SAMD4A: variants seen among roughly 807,000 people sequenced by gnomAD.
SAMD4A encodes the protein protein Smaug homolog 1.
In SAMD4A, 33 loss-of-function variants were observed where a neutral mutation model predicts 81.3. The ratio of observed to expected loss-of-function variants is 0.41; its 90% CI spans 0.31 to 0.54. The LOEUF (loss-of-function observed/expected upper bound fraction) is 0.54. Among genes scored for constraint, SAMD4A ranks in the 20% least tolerant of loss-of-function variants. SAMD4A has a pLI of 0.37. For missense variants in SAMD4A, 854 were observed against 951.1 expected, an observed-to-expected ratio of 0.90 and a Z score of 1.34; for synonymous variants, 389 against 382.1, an observed-to-expected ratio of 1.02 and a Z score of -0.21.
At chr14:54,618,699 C>T (rs992739041) in intron 2 of SAMD4A, among the ~76,000 whole-genome samples, 1 of 152,180 alleles carries the variant, frequency 6.6e-6, no homozygotes, top group Non-Finnish European at 1.5e-5. Context: ...GGTGTATTTC[C>T]TCAGGGCTGC....
At chr14:54,763,745 G>A (rs2038465196) in intron 7 of SAMD4A, among the ~76,000 whole-genome samples, 1 of 152,086 alleles carries the variant, frequency 6.6e-6, no homozygotes, top group African/African-American at 2.4e-5. Context: ...AGAAAGTCGG[G>A]GAATCGTCAC....
At chr14:54,656,913 T>A (rs977860653) in intron 2 of SAMD4A, among the ~76,000 whole-genome samples, 3 of 152,148 alleles carry the variant, frequency 2.0e-5, no homozygotes, top group African/African-American at 7.2e-5. Context: ...GCTTTTTATG[T>A]GATTTCTCAT....
chr14:54,685,616 T>C, intron 2 of SAMD4A: 1 of 435,076 alleles, frequency 2.3e-6, no homozygotes, highest in East Asian at 7.1e-5. Flanking sequence ...TCAGAAAAAC[T>C]GATCTTAGCC....
chr14:54,596,992 C>T (rs183114617), intron 2 of SAMD4A, among the ~76,000 whole-genome samples: 1 of 152,192 alleles, frequency 6.6e-6, no homozygotes, highest in East Asian at 1.9e-4. Context: ...AAAGGGAGCC[C>T]CATGCAGAAG....
At chr14:54,629,769 C>T (rs1219036200) in intron 2 of SAMD4A, among the ~76,000 whole-genome samples, 1 of 152,100 alleles carries the variant, frequency 6.6e-6, no homozygotes, top group Non-Finnish European at 1.5e-5. Flanking sequence ...CCATTACCAC[C>T]ATCCATCTTT....
At chr14:54,670,282 T>C (rs2035851862) in intron 2 of SAMD4A, among the ~76,000 whole-genome samples, 1 of 152,178 alleles carries the variant, frequency 6.6e-6, no homozygotes, top group African/African-American at 2.4e-5. Flanking sequence ...TTTGTGAAAG[T>C]AGGTTACCGT....
At chr14:54,674,572 G>C (rs2035951059) in intron 2 of SAMD4A, among the ~76,000 whole-genome samples, 1 of 152,130 alleles carries the variant, frequency 6.6e-6, no homozygotes, top group Admixed American at 6.5e-5. Context: ...CTACCATGCA[G>C]GCGTTTAGTC....
chr14:54,694,130 G>A (rs1202562107), intron 2 of SAMD4A: 1 of 152,590 alleles, frequency 6.6e-6, no homozygotes, highest in African/African-American at 2.4e-5. Flanking sequence ...GGACTAACAG[G>A]CCATCATAAG....
chr14:54,610,490 C>T (rs192158367), intron 2 of SAMD4A, among the ~76,000 whole-genome samples: 49 of 152,258 alleles, frequency 3.2e-4, no homozygotes, highest in African/African-American at 7.9e-4. Context: ...TCTCTTTGCT[C>T]GGGGTCTGAA....
At chr14:54,675,367 CAAAAAAAAAAA>C (rs59110762) in intron 2 of SAMD4A, among the ~76,000 whole-genome samples, 2 of 75,390 alleles carry the variant, frequency 2.7e-5, no homozygotes, top group African/African-American at 9.6e-5. Context: ...ACTCCGTCTC[CAAAAAAAAAAA>C]AAAAAAAAAG....
At chr14:54,781,925 T>TA (rs2039008413) in intron 11 of SAMD4A, among the ~76,000 whole-genome samples, 1 of 152,226 alleles carries the variant, frequency 6.6e-6, no homozygotes. Context: ...GTCACACTAT[T>TA]AGGAAACTCT....
At chr14:54,711,802 C>T (rs747197395) in intron 3 of SAMD4A, among the ~76,000 whole-genome samples, 1 of 151,754 alleles carries the variant, frequency 6.6e-6, no homozygotes, top group Admixed American at 6.6e-5. Flanking sequence ...AAGTGGAGGA[C>T]GAGTAGGAGT....
chr14:54,698,737 C>T (rs1228681894), intron 2 of SAMD4A, among the ~76,000 whole-genome samples: 2 of 152,218 alleles, frequency 1.3e-5, no homozygotes, highest in East Asian at 3.8e-4. Flanking sequence ...TACTTGTCTT[C>T]CTGGTCCCAC....
intron 2 of SAMD4A, among the ~76,000 whole-genome samples, chr14:54,685,283 C>CT (rs531675477): frequency 1.3e-5 from 2 of 151,026 alleles, no homozygotes; most frequent in Admixed American, 6.6e-5. Flanking sequence ...TGCCCCCCCC[C>CT]CCAGCTCCTG....
intron 8 of SAMD4A, among the ~76,000 whole-genome samples, chr14:54,766,726 G>A (rs551657212): frequency 1.1e-4 from 16 of 152,252 alleles, no homozygotes; most frequent in Middle Eastern, 3.4e-3. Context: ...CCTCTCCCAC[G>A]CCTGCTCTCA....
At chr14:54,637,721 G>T (rs1316977896) in intron 2 of SAMD4A, among the ~76,000 whole-genome samples, 2 of 152,168 alleles carry the variant, frequency 1.3e-5, no homozygotes, top group Non-Finnish European at 2.9e-5. Context: ...GAATGAGCAG[G>T]GGTGGAAGGT....
At chr14:54,566,148 G>A (rs1350007770), upstream of SAMD4A, among the ~76,000 whole-genome samples, 1 of 151,962 alleles carries the variant, frequency 6.6e-6, no homozygotes, top group Non-Finnish European at 1.5e-5. Context: ...CAGCAGCGGC[G>A]GCTGCAGCGG....
In SAMD4A at chr14:54,774,966, C is replaced by A; in HGVS notation, c.1748C>A (p.Thr583Lys). ...TTTGGGCAATCCAACTCCCTCCCGA[C>A]GGCTGGCTCTGTGGGCGGTGGCATG... ...RGFGQSNSLP[T>K]AGSVGGGMGR... is the part of the protein sequence containing the mutation. The change falls in exon 10 of 13, where the codon ACG becomes AAG. Residue 583 changes from threonine to lysine, a missense_variant. Around this residue, in one of 3 missense-constraint regions of SAMD4A, gnomAD observed 428 missense variants for 471.2 expected, o/e 0.91. Coordinates refer to ENST00000554335, the MANE Select transcript of SAMD4A (RefSeq NM_015589.6). The A allele has an allele frequency of 6.2e-7, 1 of 1,614,232 alleles. No individual in the cohort carries two copies. The highest frequency in any genetic ancestry group is 8.5e-7 in the Non-Finnish European group (1 of 1,180,042).
chr14:54,721,156 AC>A (rs2037252105), intron 3 of SAMD4A, among the ~76,000 whole-genome samples: 1 of 152,122 alleles, frequency 6.6e-6, no homozygotes, highest in African/African-American at 2.4e-5. Flanking sequence ...TATCTCCCCC[AC>A]TAGAATATAA....
Sources: allele counts gnomAD v4.1 joint callset (sites outside exome capture counted in the v4.1 genomes callset), GRCh38; gene constraint gnomAD v4.1.1; regional missense constraint gnomAD v4.1.1; transcripts MANE v1.5; gene names NCBI Gene and HGNC (gene_info 2026-07-23, HGNC 2026-07-21).